Variants in CNTNAP2 observed in about 807,000 individuals in gnomAD.
The protein encoded by CNTNAP2 is contactin-associated protein-like 2.
A neutral mutation model predicts 155.2 loss-of-function variants in CNTNAP2; 98 were observed. That is an observed-to-expected ratio of 0.63 (90% CI 0.54 to 0.75). The LOEUF (loss-of-function observed/expected upper bound fraction) is 0.75, where lower values mean the gene tolerates loss of function less well. Ranked by LOEUF, CNTNAP2 falls within the 30% of genes least tolerant of loss-of-function variation. The pLI, the probability that CNTNAP2 is intolerant of heterozygous loss-of-function variation, is 0.00. For synonymous variants in CNTNAP2, 651 were observed against 631.2 expected (o/e 1.03, Z -0.47); for missense variants, 1,727 against 1,688.1 (o/e 1.02, Z -0.40).
intron 1 of CNTNAP2, among the ~76,000 whole-genome samples, chr7:146,346,147 C>T (rs986606328): frequency 6.6e-6 from 1 of 152,074 alleles, no homozygotes; most frequent in African/African-American, 2.4e-5. Flanking sequence ...AGCAGGGGTC[C>T]CCAACCCCTG....
chr7:146,350,921 T>C (rs970172050), intron 1 of CNTNAP2, among the ~76,000 whole-genome samples: 92 of 151,016 alleles, frequency 6.1e-4, no homozygotes, highest in Middle Eastern at 3.4e-3. Context: ...CAGCAAACTA[T>C]CGCAAGGACA....
intron 1 of CNTNAP2, among the ~76,000 whole-genome samples, chr7:146,201,379 A>C (rs902505065): frequency 6.6e-6 from 1 of 152,196 alleles, no homozygotes; most frequent in Non-Finnish European, 1.5e-5. Context: ...GTATCCTAAA[A>C]AAGAAGAAAT....
rs1563066657 is a variant in CNTNAP2 at position 148,383,731 on chromosome 7, G to C, written c.3558G>C (p.Gln1186His). The C allele has an allele frequency of 1.2e-6, 2 of 1,614,186 alleles. No homozygotes were observed. The highest frequency in any genetic ancestry group is 1.7e-6 in the Non-Finnish European group (2 of 1,180,036). The change falls in exon 22 of 24, where the codon CAG becomes CAC. Residue 1186 changes from glutamine (Q) to histidine (H), a missense_variant. Physicochemically the swap from Gln to His is conservative, Grantham distance 24. Transcript: ENST00000361727. ...GCCTCTCCAGAGTCCAGTTCAACCA[G>C]ATCGCCCCTCTCAAGGCCGCCTTGA... ...TGCLSRVQFN[Q>H]IAPLKAALRQ...
intron 13 of CNTNAP2, among the ~76,000 whole-genome samples, chr7:147,647,649 C>A (rs1795388623): frequency 1.3e-5 from 2 of 151,996 alleles, no homozygotes; most frequent in African/African-American, 2.4e-5. Flanking sequence ...AGGACAGGGG[C>A]CATATCTTAG....
intron 3 of CNTNAP2, among the ~76,000 whole-genome samples, chr7:146,930,273 G>C (rs1318122970): frequency 3.9e-5 from 6 of 152,070 alleles, no homozygotes; most frequent in Non-Finnish European, 5.9e-5. Flanking sequence ...AAGAGAGTGG[G>C]GGCCAATATG....
At chr7:147,161,351 T>C (rs1051631247) in intron 8 of CNTNAP2, among the ~76,000 whole-genome samples, 1 of 152,280 alleles carries the variant, frequency 6.6e-6, no homozygotes, top group Middle Eastern at 3.4e-3. Flanking sequence ...TGGGTACTGT[T>C]GTTCAGCTGG....
intron 1 of CNTNAP2, among the ~76,000 whole-genome samples, chr7:146,511,528 T>G (rs1260340510): frequency 6.6e-6 from 1 of 152,214 alleles, no homozygotes; most frequent in Non-Finnish European, 1.5e-5. Flanking sequence ...TTTTTTAGCA[T>G]CTATGGAAAT....
chr7:148,147,858 G>A, intron 17 of CNTNAP2, 149 bp downstream of exon 17: 1 of 779,854 alleles, frequency 1.3e-6, no homozygotes, highest in East Asian at 2.7e-5. Flanking sequence ...TCTCCTTCAA[G>A]ACAGAATGGA....
At chr7:146,643,911 C>T (rs562221323) in intron 1 of CNTNAP2, among the ~76,000 whole-genome samples, 10 of 151,872 alleles carry the variant, frequency 6.6e-5, no homozygotes, top group African/African-American at 2.4e-4. Context: ...GTATTTTATT[C>T]TCTTTGAAGC....
intron 8 of CNTNAP2, among the ~76,000 whole-genome samples, chr7:147,222,167 G>T (rs1803415405): frequency 6.6e-6 from 1 of 151,794 alleles, no homozygotes; most frequent in Non-Finnish European, 1.5e-5. Context: ...AGTCATTCTT[G>T]TTTGAAATAT....
chr7:147,834,361 A>G (rs913404786), intron 13 of CNTNAP2, among the ~76,000 whole-genome samples: 2 of 152,172 alleles, frequency 1.3e-5, no homozygotes, highest in African/African-American at 4.8e-5. Flanking sequence ...AGAATCTCAT[A>G]AAAAGGACTA....
chr7:146,875,281 T>C (rs1795396939), intron 3 of CNTNAP2, among the ~76,000 whole-genome samples: 2 of 152,160 alleles, frequency 1.3e-5, no homozygotes, highest in South Asian at 4.1e-4. Context: ...AATTCTCCTA[T>C]ATGGAGGGCC....
At chr7:148,184,600 C>T in intron 18 of CNTNAP2, among the ~76,000 whole-genome samples, 1 of 152,230 alleles carries the variant, frequency 6.6e-6, no homozygotes, top group Non-Finnish European at 1.5e-5. Context: ...TGTCCTTTCA[C>T]ATCTTCTATT....
intron 1 of CNTNAP2, among the ~76,000 whole-genome samples, chr7:146,435,820 T>C (rs990958423): frequency 2.0e-5 from 3 of 152,198 alleles, no homozygotes; most frequent in Non-Finnish European, 2.9e-5. Context: ...CTATCATATA[T>C]TTTAAAGAGT....
At chr7:147,047,315 G>A (rs1172586212) in intron 4 of CNTNAP2, among the ~76,000 whole-genome samples, 3 of 147,188 alleles carry the variant, frequency 2.0e-5, no homozygotes, top group African/African-American at 7.5e-5. Context: ...TAGAGATGGG[G>A]TTTCACCATA....
chr7:146,808,492 T>C (rs1585100109), intron 2 of CNTNAP2, among the ~76,000 whole-genome samples: 2 of 152,282 alleles, frequency 1.3e-5, no homozygotes, highest in South Asian at 4.1e-4. Context: ...CTTTGTAACT[T>C]TTTCTGAAGG....
chr7:147,202,648 G>A (rs1438467435), intron 8 of CNTNAP2, among the ~76,000 whole-genome samples: 1 of 151,954 alleles, frequency 6.6e-6, no homozygotes, highest in Non-Finnish European at 1.5e-5. Context: ...TCCTTTGCAG[G>A]GACATGGATG....
At chr7:148,356,261 C>T (rs1798513201) in intron 21 of CNTNAP2, among the ~76,000 whole-genome samples, 1 of 152,098 alleles carries the variant, frequency 6.6e-6, no homozygotes, top group Admixed American at 6.5e-5. Flanking sequence ...CTTCAATCTG[C>T]ACTTTTTTTC....
intron 1 of CNTNAP2, among the ~76,000 whole-genome samples, chr7:146,290,369 C>T (rs988070136): frequency 3.3e-5 from 5 of 152,190 alleles, no homozygotes; most frequent in Admixed American, 6.5e-5. Context: ...AGATAAATCT[C>T]AGCCTACTTA....
Sources: gnomAD v4.1 joint callset for allele counts (sites outside exome capture counted in the v4.1 genomes callset) on GRCh38, gnomAD v4.1.1 for gene constraint, MANE v1.5 for transcripts, NCBI Gene and HGNC (gene_info 2026-07-23, HGNC 2026-07-21) for gene names.